The following PIK3R3 variants were observed in gnomAD, a reference collection of about 807,000 sequenced individuals.
PIK3R3 encodes the protein phosphatidylinositol 3-kinase regulatory subunit gamma.
A neutral mutation model predicts 62.9 loss-of-function variants in PIK3R3; 64 were observed. The observed-to-expected ratio is 1.02, with a 90% CI of 0.83 to 1.25. The LOEUF (loss-of-function observed/expected upper bound fraction) is 1.25. Ranked by LOEUF, PIK3R3 falls within the 50% of genes most tolerant of loss-of-function variation. The pLI is 0.00. For missense variants in PIK3R3, 614 were observed against 561.6 expected (o/e 1.09, Z -0.94); for synonymous variants, 165 against 189.0 (o/e 0.87, Z 1.04).
intron 5 of PIK3R3, among the ~76,000 whole-genome samples, chr1:46,065,697 A>G (rs1648921647): frequency 6.6e-6 from 1 of 152,356 alleles, no homozygotes. Context: ...CTGATATTAG[A>G]GTAAGCCCTC....
Position 46,101,527 on chromosome 1 carries a change from C to CA in PIK3R3, c.107-20778dup, listed in dbSNP as rs200925212. Among the ~76,000 whole-genome samples, 246 of 151,570 alleles carry CA rather than the reference C, an allele frequency of 1.6e-3. 5 individuals are homozygous for CA. In the East Asian group the frequency reaches 0.044, roughly 27 times the overall value. On this transcript the variant is annotated intron_variant, in intron 1 of 9. Transcript: ENST00000262741. The stretch of plus-strand genomic sequence containing the variant: ...TCAAAGAAGCAAACAAACAACAACA[C>CA]AAAAAAAACCCAAATGTCCACCAAC...
chr1:46,115,880 C>T (rs746366632), intron 1 of PIK3R3, among the ~76,000 whole-genome samples: 9 of 151,994 alleles, frequency 5.9e-5, no homozygotes, highest in Non-Finnish European at 1.2e-4. Context: ...ATGACACGGG[C>T]AAAGGAGAGA....
At chr1:46,068,013 C>T (rs1571400630) in intron 3 of PIK3R3, among the ~76,000 whole-genome samples, 1 of 152,114 alleles carries the variant, frequency 6.6e-6, no homozygotes, top group African/African-American at 2.4e-5. Flanking sequence ...AGGCTTATGC[C>T]CCTAACTCTC....
intron 1 of PIK3R3, among the ~76,000 whole-genome samples, chr1:46,124,460 T>A (rs1222185678): frequency 6.6e-6 from 1 of 152,214 alleles, no homozygotes; most frequent in Non-Finnish European, 1.5e-5. Flanking sequence ...ATGGCAATCA[T>A]AAACACGTCC....
chr1:46,115,254 C>T (rs563676768), intron 1 of PIK3R3, among the ~76,000 whole-genome samples: 24 of 152,236 alleles, frequency 1.6e-4, no homozygotes, highest in Non-Finnish European at 3.2e-4. Context: ...CCCTCACTCC[C>T]TTTGGTCTTT....
At chr1:46,049,296 A>T (rs992334854) in intron 7 of PIK3R3, among the ~76,000 whole-genome samples, 5 of 152,200 alleles carry the variant, frequency 3.3e-5, no homozygotes, top group African/African-American at 1.2e-4. Context: ...TAAAGATCTA[A>T]TTGGTTTTAC....
chr1:46,086,459 G>A (rs2149421492), intron 1 of PIK3R3, among the ~76,000 whole-genome samples: 1 of 152,204 alleles, frequency 6.6e-6, no homozygotes, highest in African/African-American at 2.4e-5. Context: ...CTGAACTTTG[G>A]GAGGTCGAGG....
intron 1 of PIK3R3, among the ~76,000 whole-genome samples, chr1:46,101,130 C>T (rs1652624302): frequency 6.8e-6 from 1 of 147,130 alleles, no homozygotes. Context: ...TGAGATCACA[C>T]CACTGCACTC....
At chr1:46,070,787 T>C (rs1385103439) in intron 3 of PIK3R3, among the ~76,000 whole-genome samples, 1 of 152,142 alleles carries the variant, frequency 6.6e-6, no homozygotes, top group Admixed American at 6.6e-5. Flanking sequence ...ATTTTAATAA[T>C]AATGTACATG....
chr1:46,081,534 A>T (rs2149415297), intron 1 of PIK3R3, among the ~76,000 whole-genome samples: 1 of 152,222 alleles, frequency 6.6e-6, no homozygotes, highest in South Asian at 2.1e-4. Flanking sequence ...TCCTTATGAA[A>T]ATCTAACTAA....
At chr1:46,107,950 A>T (rs142144907) in intron 1 of PIK3R3, among the ~76,000 whole-genome samples, 135 of 152,334 alleles carry the variant, frequency 8.9e-4, no homozygotes, top group African/African-American at 3.1e-3. Flanking sequence ...TTTGCCATTT[A>T]CCAAATCTGT....
At chr1:46,071,015 G>C (rs991223363) in intron 3 of PIK3R3, among the ~76,000 whole-genome samples, 1 of 152,094 alleles carries the variant, frequency 6.6e-6, no homozygotes, top group African/African-American at 2.4e-5. Flanking sequence ...TCTGCAGTCT[G>C]GTTTTACTCT....
chr1:46,138,058 A>C, the PIK3R3 span, among the ~76,000 whole-genome samples: 1 of 152,184 alleles, frequency 6.6e-6, no homozygotes, highest in South Asian at 2.1e-4. Flanking sequence ...ATCAGCTGTG[A>C]ATTGTTTGCA....
At chr1:46,120,340 G>A (rs1467686817) in intron 1 of PIK3R3, among the ~76,000 whole-genome samples, 1 of 152,218 alleles carries the variant, frequency 6.6e-6, no homozygotes, top group Admixed American at 6.5e-5. Flanking sequence ...CACTTTGGGA[G>A]GCCAAGGTGG....
intron 3 of PIK3R3, among the ~76,000 whole-genome samples, chr1:46,071,821 A>G (rs1649570506): frequency 6.7e-6 from 1 of 149,592 alleles, no homozygotes; most frequent in African/African-American, 2.5e-5. Context: ...ACCTACCTAC[A>G]ACATTAAATA....
the PIK3R3 span, among the ~76,000 whole-genome samples, chr1:46,153,771 G>A: frequency 1.3e-5 from 2 of 152,242 alleles, no homozygotes; most frequent in Admixed American, 1.3e-4. Flanking sequence ...CCACATGTCT[G>A]TCTTTCCCTC....
At chr1:46,138,957 G>C in the PIK3R3 span, 2 of 152,066 alleles carry the variant, frequency 1.3e-5, no homozygotes, top group African/African-American at 4.8e-5. Context: ...ACTTCATTCG[G>C]GACCCTATTC....
chr1:46,123,976 T>C (rs1444201538), intron 1 of PIK3R3, among the ~76,000 whole-genome samples: 3 of 152,118 alleles, frequency 2.0e-5, no homozygotes, highest in African/African-American at 7.2e-5. Flanking sequence ...TGAAACGTTA[T>C]AACTAGAAAA....
At chr1:46,128,824 T>C (rs1655315066) in intron 1 of PIK3R3, among the ~76,000 whole-genome samples, 1 of 152,180 alleles carries the variant, frequency 6.6e-6, no homozygotes, top group Non-Finnish European at 1.5e-5. Context: ...CTCACGCCTG[T>C]AATCCCAGCA....
Sources: gnomAD v4.1 joint callset for allele counts (sites outside exome capture counted in the v4.1 genomes callset) on GRCh38, gnomAD v4.1.1 for gene constraint, MANE v1.5 for transcripts, NCBI Gene and HGNC (gene_info 2026-07-23, HGNC 2026-07-21) for gene names.